GRM5: variants seen among roughly 807,000 people sequenced by gnomAD.
GRM5 encodes glutamate metabotropic receptor 5, also known as metabotropic glutamate receptor 5.
In GRM5, 19 loss-of-function variants were observed where a neutral mutation model predicts 83.1. That is an observed-to-expected ratio of 0.23 (90% CI 0.16 to 0.34). The LOEUF (loss-of-function observed/expected upper bound fraction) is 0.34, where lower values mean the gene tolerates loss of function less well. Ranked by LOEUF, GRM5 falls within the 10% of genes least tolerant of loss-of-function variation. GRM5 has a pLI of 1.00. For synonymous variants in GRM5, 675 were observed against 633.6 expected, an observed-to-expected ratio of 1.07 and a Z score of -0.98; for missense variants, 1,160 against 1,588.3, an observed-to-expected ratio of 0.73 and a Z score of 4.58.
At chr11:88,684,008 G>A (rs111309173) in intron 3 of GRM5, among the ~76,000 whole-genome samples, 3 of 152,262 alleles carry the variant, frequency 2.0e-5, no homozygotes, top group Non-Finnish European at 2.9e-5. Context: ...CTGAGATGGC[G>A]GCATTTGAAC....
intron 3 of GRM5, among the ~76,000 whole-genome samples, chr11:88,692,455 A>G (rs183612603): frequency 6.6e-6 from 1 of 152,284 alleles, no homozygotes; most frequent in East Asian, 1.9e-4. Context: ...ACGAATGCTG[A>G]ATGAACAATT....
At chr11:88,759,438 C>T (rs1942464862) in intron 3 of GRM5, among the ~76,000 whole-genome samples, 1 of 151,894 alleles carries the variant, frequency 6.6e-6, no homozygotes, top group Admixed American at 6.6e-5. Flanking sequence ...TAATTTCAGA[C>T]AAAACAGAAT....
At chr11:89,034,845 CTTTTT>C (rs557239573) in intron 2 of GRM5, among the ~76,000 whole-genome samples, 1 of 133,520 alleles carries the variant, frequency 7.5e-6, no homozygotes, top group Non-Finnish European at 1.6e-5. Flanking sequence ...CCCTCAAATC[CTTTTT>C]TTTTTTTTTT....
intron 2 of GRM5, among the ~76,000 whole-genome samples, chr11:89,030,911 T>C (rs1591063023): frequency 6.6e-6 from 1 of 152,026 alleles, no homozygotes; most frequent in South Asian, 2.1e-4. Context: ...TATAAATGTG[T>C]CTAGGAGGGG....
At chr11:88,606,323 G>C (rs1420315554) in intron 4 of GRM5, among the ~76,000 whole-genome samples, 2 of 152,166 alleles carry the variant, frequency 1.3e-5, no homozygotes, top group Non-Finnish European at 2.9e-5. Flanking sequence ...AAGAGTTTAA[G>C]AACAGCCTGG....
chr11:88,636,587 T>C (rs1939129178), intron 4 of GRM5, among the ~76,000 whole-genome samples: 1 of 152,186 alleles, frequency 6.6e-6, no homozygotes, highest in African/African-American at 2.4e-5. Flanking sequence ...ATTATTATAA[T>C]AGGTTTTCTC....
At chr11:88,582,015 C>G (rs1943220553) in intron 7 of GRM5, among the ~76,000 whole-genome samples, 1 of 152,172 alleles carries the variant, frequency 6.6e-6, no homozygotes, top group African/African-American at 2.4e-5. Context: ...AACGTTTACT[C>G]CCATCCTAGC....
intron 3 of GRM5, among the ~76,000 whole-genome samples, chr11:88,699,090 A>AAAC (rs1162941587): frequency 2.9e-5 from 1 of 34,192 alleles, no homozygotes; most frequent in African/African-American, 8.4e-5. Flanking sequence ...CATTCCGACA[A>AAAC]AACAAAAAAC....
chr11:88,831,836 A>T (rs75636522), intron 3 of GRM5, among the ~76,000 whole-genome samples: 3,877 of 152,130 alleles, frequency 0.025, 171 homozygotes, highest in African/African-American at 0.089. Flanking sequence ...CTGAGTATCT[A>T]CCTACCTGCC....
At chr11:88,773,220 A>C (rs1942777584) in intron 3 of GRM5, among the ~76,000 whole-genome samples, 1 of 152,038 alleles carries the variant, frequency 6.6e-6, no homozygotes, top group Non-Finnish European at 1.5e-5. Flanking sequence ...GCATTTTTTC[A>C]TGTGTCTGTT....
At chr11:89,014,083 C>T (rs1940784227) in intron 2 of GRM5, among the ~76,000 whole-genome samples, 1 of 152,062 alleles carries the variant, frequency 6.6e-6, no homozygotes, top group South Asian at 2.1e-4. Context: ...CAAGTATATC[C>T]ATTATCATAT....
chr11:88,568,765 C>T (rs1942923311), intron 7 of GRM5, among the ~76,000 whole-genome samples: 1 of 151,910 alleles, frequency 6.6e-6, no homozygotes, highest in Admixed American at 6.6e-5. Context: ...TGAAATATGA[C>T]CAACACTAGT....
At chr11:88,781,790 C>T (rs918476405) in intron 3 of GRM5, among the ~76,000 whole-genome samples, 5 of 152,172 alleles carry the variant, frequency 3.3e-5, no homozygotes, top group African/African-American at 9.6e-5. Flanking sequence ...TAAATCATTT[C>T]TTTGCTAAAT....
At chr11:88,838,400 A>C (rs866292019) in intron 3 of GRM5, among the ~76,000 whole-genome samples, 5 of 152,286 alleles carry the variant, frequency 3.3e-5, no homozygotes, top group African/African-American at 1.2e-4. Flanking sequence ...TTTATGGAGC[A>C]GTCTGTTCTC....
At chr11:88,903,093 G>A (rs1450223780) in intron 2 of GRM5, among the ~76,000 whole-genome samples, 2 of 151,730 alleles carry the variant, frequency 1.3e-5, no homozygotes, top group Admixed American at 6.6e-5. Flanking sequence ...ATATTTATTT[G>A]TGCACCTGAG....
intron 9 of GRM5, among the ~76,000 whole-genome samples, chr11:88,518,772 G>A (rs561594344): frequency 2.0e-5 from 3 of 151,662 alleles, no homozygotes; most frequent in East Asian, 1.9e-4. Context: ...CCATCAGAGC[G>A]AGTTTTATTT....
chr11:88,549,973 A>G (rs1486879184), intron 8 of GRM5, among the ~76,000 whole-genome samples: 2 of 152,156 alleles, frequency 1.3e-5, no homozygotes, highest in African/African-American at 2.4e-5. Flanking sequence ...ATCCATGAAG[A>G]TATCAGTGAA....
At chr11:88,759,661 A>G (rs964312076) in intron 3 of GRM5, among the ~76,000 whole-genome samples, 8 of 152,172 alleles carry the variant, frequency 5.3e-5, no homozygotes, top group Non-Finnish European at 1.0e-4. Context: ...AGTATTAGAC[A>G]GCTCACTGAG....
At chr11:89,032,417 T>C (rs1322519751) in intron 2 of GRM5, among the ~76,000 whole-genome samples, 1 of 152,068 alleles carries the variant, frequency 6.6e-6, no homozygotes, top group Non-Finnish European at 1.5e-5. Context: ...TATCTGAATA[T>C]TAAGCATATT....
Sources: gnomAD v4.1 joint callset for allele counts (sites outside exome capture counted in the v4.1 genomes callset) on GRCh38, gnomAD v4.1.1 for gene constraint, MANE v1.5 for transcripts, NCBI Gene and HGNC (gene_info 2026-07-23, HGNC 2026-07-21) for gene names.